E2F5: variants seen among roughly 807,000 people sequenced by gnomAD.
E2F5 encodes the protein E2F transcription factor 5.
E2F5 carries 23 observed loss-of-function variants against 39.1 expected under a neutral mutation model. That is an observed-to-expected ratio of 0.59 (90% confidence interval 0.42 to 0.83). The LOEUF is 0.83. Ranked by LOEUF, E2F5 falls within the 40% of genes least tolerant of loss-of-function variation. The probability of loss-of-function intolerance (pLI) is 0.00; values close to 1 mark genes in which losing one functional copy is unlikely to be tolerated. For synonymous variants in E2F5, 145 were observed against 157.8 expected, an observed-to-expected ratio of 0.92 and a Z score of 0.61; for missense variants, 365 against 406.7, an observed-to-expected ratio of 0.90 and a Z score of 0.88.
At chr8:85,180,087 C>T (rs1812168127) in intron 1 of E2F5, among the ~76,000 whole-genome samples, 1 of 151,186 alleles carries the variant, frequency 6.6e-6, no homozygotes, top group African/African-American at 2.4e-5. Context: ...AGTGGCAGAT[C>T]TCTGCTCACT....
chr8:85,211,249 A>C (rs944659301), intron 6 of E2F5, among the ~76,000 whole-genome samples: 16 of 151,534 alleles, frequency 1.1e-4, no homozygotes, highest in Admixed American at 7.2e-4. Flanking sequence ...AAAAATTAAA[A>C]ATTAGCTAGG....
Position 85,214,513 on chromosome 8 carries a change from A to G in E2F5, c.*651A>G. On this transcript the variant is annotated 3_prime_UTR_variant, in exon 8 of 8. Transcript: ENST00000416274. ...TTTTAAAAATAAAATTGTATAAAAC[A>G]TTCAATTTATTGGTCTTTGTGGAGA... 1.6e-6 allele frequency: 2 copies of G among 1,238,466 alleles called. No individual in the cohort carries two copies. The highest frequency in any genetic ancestry group is 2.3e-6 in the Non-Finnish European group (2 of 851,206). The allele number at this position is 1,238,466 out of a possible 1,614,324, so 76.7% of individuals were successfully genotyped here.
intron 5 of E2F5, among the ~76,000 whole-genome samples, chr8:85,208,478 CTA>C (rs1254426768): frequency 7.9e-5 from 12 of 152,224 alleles, no homozygotes; most frequent in African/African-American, 2.4e-4. Flanking sequence ...TTTATTGACT[CTA>C]TGAGTTTCAT....
intron 1 of E2F5, among the ~76,000 whole-genome samples, chr8:85,178,768 C>G (rs1291678595): frequency 1.3e-5 from 2 of 152,168 alleles, no homozygotes; most frequent in African/African-American, 4.8e-5. Context: ...CCAAGACTTG[C>G]AGGGGCCAAC....
In E2F5 at chr8:85,213,930, A is replaced by G; in HGVS notation, c.*68A>G. ...AACATTTTAGACTTCTTAATAACCTAAATATTTAAAATAATGAATGTAACA... is the reference window on the plus strand; with the variant it reads ...AACATTTTAGACTTCTTAATAACCTGAATATTTAAAATAATGAATGTAACA... On this transcript the variant is annotated 3_prime_UTR_variant, in exon 8 of 8. Coordinates refer to ENST00000416274, the MANE Select transcript of E2F5 (RefSeq NM_001951.4). The G allele has an allele frequency of 1.2e-6, 1 of 867,700 alleles. No homozygotes were observed. 53.8% of individuals were successfully genotyped at this position (867,700 alleles called of 1,614,324 possible).
chr8:85,212,246 C>T (rs771884834), intron 7 of E2F5, 42 bp downstream of exon 7: 1 of 1,370,524 alleles, frequency 7.3e-7, no homozygotes, highest in Admixed American at 1.8e-5. Flanking sequence ...ATCAGTAATG[C>T]TTCTGTGGAA....
At chr8:85,189,822 G>A (rs1006699598) in intron 1 of E2F5, among the ~76,000 whole-genome samples, 4 of 151,890 alleles carry the variant, frequency 2.6e-5, no homozygotes, top group East Asian at 1.9e-4. Context: ...TGTGTGCCCC[G>A]TTGTTCTTTA....
intron 7 of E2F5, 46 bp from the exon 8 acceptor site, chr8:85,213,707 G>A (rs1313091712): frequency 1.4e-5 from 14 of 974,384 alleles, no homozygotes; most frequent in East Asian, 2.4e-5. Flanking sequence ...ATCATTAACC[G>A]TATGTAGAAA....
chr8:85,208,648 G>T (rs1812848103), intron 5 of E2F5, among the ~76,000 whole-genome samples: 1 of 152,156 alleles, frequency 6.6e-6, no homozygotes, highest in Non-Finnish European at 1.5e-5. Flanking sequence ...GGAGTCTGAA[G>T]CCTCAGGATA....
chr8:85,207,475 C>T lies in E2F5; in HGVS notation c.601C>T (p.Pro201Ser). ...ACCTTCTGGTACACAACTGGAGGTA[C>T]CCATTCCAGAAATGGTATGTAGGAT... Reference protein sequence around the residue: ...QAPSGTQLEVPIPEMGQNGQK... With the variant: ...QAPSGTQLEVSIPEMGQNGQK... Residue 201 changes from proline to serine, a missense_variant, in exon 5 of 8, where the codon CCC (proline) becomes TCC (serine). By Grantham distance (74) the Pro-to-Ser change is moderately conservative. Coordinates refer to ENST00000416274, the MANE Select transcript of E2F5 (RefSeq NM_001951.4). 1.3e-6 allele frequency: 2 copies of T among 1,559,946 alleles called. No individual in the cohort carries two copies. Among genetic ancestry groups the T allele is most frequent in the Non-Finnish European group, 1.7e-6 (2 of 1,150,838 alleles).
intron 1 of E2F5, among the ~76,000 whole-genome samples, chr8:85,183,535 T>C (rs992772615): frequency 1.3e-5 from 2 of 152,138 alleles, no homozygotes; most frequent in Non-Finnish European, 2.9e-5. Context: ...CTTAACAAAA[T>C]GTGGTATATA....
At chr8:85,203,337 CTTTGT>C (rs1185135442) in intron 3 of E2F5, 82 bp downstream of exon 3, 2 of 1,215,290 alleles carry the variant, frequency 1.6e-6, no homozygotes, top group Non-Finnish European at 2.1e-6. Flanking sequence ...AGATCATTCA[CTTTGT>C]TTTTAGACAG....
chr8:85,212,897 T>A (rs1812970066), intron 7 of E2F5: 1 of 74,576 alleles, frequency 1.3e-5, no homozygotes, highest in Admixed American at 1.2e-4. Flanking sequence ...CTGTTTTTTT[T>A]TTTTAAGGCA....
chr8:85,205,179 C>T (rs1049871018), intron 3 of E2F5, among the ~76,000 whole-genome samples: 3 of 151,962 alleles, frequency 2.0e-5, no homozygotes, highest in Admixed American at 6.6e-5. Flanking sequence ...CAAACTCCGT[C>T]TCAAAATAAA....
chr8:85,196,736 G>T (rs907098425), intron 1 of E2F5, among the ~76,000 whole-genome samples: 1 of 152,148 alleles, frequency 6.6e-6, no homozygotes, highest in African/African-American at 2.4e-5. Context: ...GAACACTAAA[G>T]CTGCCATGAG....
At chr8:85,177,767 C>T (rs1190945832) in intron 1 of E2F5, 113 bp downstream of exon 1, 2 of 1,141,652 alleles carry the variant, frequency 1.8e-6, no homozygotes, top group East Asian at 8.2e-5. Flanking sequence ...CTTGCGGGGA[C>T]CCGGGACCGG....
chr8:85,183,825 A>T (rs1312965647), intron 1 of E2F5, among the ~76,000 whole-genome samples: 5 of 152,170 alleles, frequency 3.3e-5, no homozygotes, highest in Non-Finnish European at 7.3e-5. Flanking sequence ...TGAAGGCCTT[A>T]CCTCCATACA....
chr8:85,196,419 A>AT (rs904438135), intron 1 of E2F5, among the ~76,000 whole-genome samples: 1 of 152,076 alleles, frequency 6.6e-6, no homozygotes, highest in African/African-American at 2.4e-5. Context: ...CATGTATGCA[A>AT]TTTTTTGTTA....
chr8:85,204,840 T>G (rs1812768627), intron 3 of E2F5, among the ~76,000 whole-genome samples: 1 of 152,086 alleles, frequency 6.6e-6, no homozygotes, highest in Non-Finnish European at 1.5e-5. Flanking sequence ...CATCCCAGGG[T>G]CAGGTACCAG....
Sources: allele counts gnomAD v4.1 joint callset (sites outside exome capture counted in the v4.1 genomes callset), GRCh38; gene constraint gnomAD v4.1.1; transcripts MANE v1.5; gene names NCBI Gene and HGNC (gene_info 2026-07-23, HGNC 2026-07-21).